TMEM132D: variants seen among roughly 807,000 people sequenced by gnomAD.
TMEM132D encodes transmembrane protein 132D.
TMEM132D carries 21 observed loss-of-function variants against 62.3 expected under a neutral mutation model. The observed-to-expected ratio is 0.34, with a 90% CI of 0.24 to 0.49. The LOEUF is 0.49. Among genes scored for constraint, TMEM132D ranks in the 20% least tolerant of loss-of-function variants. The probability of loss-of-function intolerance (pLI) is 0.99; values close to 1 mark genes in which losing one functional copy is unlikely to be tolerated. For synonymous variants in TMEM132D, 621 were observed against 575.6 expected, an observed-to-expected ratio of 1.08 and a Z score of -1.13; for missense variants, 1,346 against 1,402.8, an observed-to-expected ratio of 0.96 and a Z score of 0.65.
At chr12:129,339,410 G>C (rs577027560) in intron 3 of TMEM132D, among the ~76,000 whole-genome samples, 29 of 13,804 alleles carry the variant, frequency 2.1e-3, no homozygotes, top group East Asian at 0.042. Flanking sequence ...TCCATGGAAC[G>C]GGGTAGCTGC....
In TMEM132D at chr12:129,573,166, C is replaced by T. The variant is rs558972126; in HGVS notation, c.969-41961G>A. ...TGGAGACCCTGCGCCTACACAAAGA[C>T]ATCTCTCCCAGGGGCTCATCGGCCA... On this transcript the variant is annotated intron_variant, in intron 2 of 8. Transcript: ENST00000422113. Among the ~76,000 whole-genome samples, 81 of 152,242 alleles carry T rather than the reference C, an allele frequency of 5.3e-4. 1 individual carries two copies. Among genetic ancestry groups the T allele is most frequent in the African/African-American group, 1.8e-3 (74 of 41,558 alleles).
intron 3 of TMEM132D, among the ~76,000 whole-genome samples, chr12:129,493,555 G>C (rs1027402560): frequency 6.6e-6 from 1 of 152,188 alleles, no homozygotes; most frequent in Non-Finnish European, 1.5e-5. Context: ...AACAAATGCT[G>C]TAAATAAATA....
Position 129,729,953 on chromosome 12 carries a change from C to A in TMEM132D, c.80-29255G>T, listed in dbSNP as rs138667147. On this transcript the variant is annotated intron_variant, in intron 1 of 8. Transcript: ENST00000422113. ...CTGCCCTTGTGAATGTACTTTGTAA[C>A]GTCCATCCCCTGCCCGCAAAAAATT... 3.3e-3 allele frequency among the ~76,000 whole-genome samples: 499 copies of A among 152,122 alleles called. 3 individuals are homozygous for A. Among genetic ancestry groups the A allele is most frequent in the African/African-American group, 0.012 (483 of 41,448 alleles).
At chr12:129,777,584 C>G (rs916334553) in intron 1 of TMEM132D, among the ~76,000 whole-genome samples, 1 of 152,160 alleles carries the variant, frequency 6.6e-6, no homozygotes, top group African/African-American at 2.4e-5. Context: ...AAGAAGAACC[C>G]AGCTCTGGAA....
chr12:129,532,827 C>T (rs1204918334), intron 2 of TMEM132D, among the ~76,000 whole-genome samples: 1 of 152,232 alleles, frequency 6.6e-6, no homozygotes, highest in Non-Finnish European at 1.5e-5. Context: ...AGTGCTGTCC[C>T]AGCCATATGC....
At position 129,785,928 on chromosome 12, in the gene TMEM132D, T is replaced by C. The variant is rs560211298; in HGVS notation, c.80-85230A>G. On this transcript the variant is annotated intron_variant, in intron 1 of 8. Transcript: ENST00000422113. ...AATTTTATCACTCGAAATAGCAGTT[T>C]ATGATTGGCGCAGTTTTTTGTTTTC... Among the ~76,000 whole-genome samples the C allele has an allele frequency of 2.0e-5, 3 of 152,352 alleles. No individual in the cohort carries two copies. In the South Asian group the frequency reaches 6.2e-4, roughly 32 times the overall value.
intron 1 of TMEM132D, among the ~76,000 whole-genome samples, chr12:129,864,712 G>C (rs1281855439): frequency 6.6e-6 from 1 of 152,182 alleles, no homozygotes; most frequent in Non-Finnish European, 1.5e-5. Flanking sequence ...ATTCTTACTT[G>C]TTTGGGCCAA....
intron 2 of TMEM132D, among the ~76,000 whole-genome samples, chr12:129,546,094 C>T (rs552010467): frequency 6.6e-6 from 1 of 152,182 alleles, no homozygotes; most frequent in African/African-American, 2.4e-5. Context: ...GGCTGGGGTC[C>T]CCTGGGGTTT....
chr12:129,878,263 G>C lies in TMEM132D; in HGVS notation c.79+24998C>G, dbSNP rs75427277. 3.2e-3 allele frequency among the ~76,000 whole-genome samples: 480 copies of C among 152,162 alleles called. 2 individuals are homozygous for C. The highest frequency in any genetic ancestry group is 0.011 in the African/African-American group (462 of 41,506). ...AAATCTCTTTTAAGTATCTATTCTC[G>C]ACCTTCCTTTCCTGAAATCCTACTG... is the stretch of plus-strand genomic sequence containing the variant. On this transcript the variant is annotated intron_variant, in intron 1 of 8. Coordinates refer to ENST00000422113, the MANE Select transcript of TMEM132D (RefSeq NM_133448.3).
At chr12:129,633,262 G>T (rs1015562910) in intron 2 of TMEM132D, among the ~76,000 whole-genome samples, 6 of 152,276 alleles carry the variant, frequency 3.9e-5, no homozygotes, top group Non-Finnish European at 1.5e-5. Context: ...CTATGGACAT[G>T]TGGAAAATCA....
At chr12:129,322,191 G>T (rs185092683) in intron 4 of TMEM132D, among the ~76,000 whole-genome samples, 1 of 144,944 alleles carries the variant, frequency 6.9e-6, no homozygotes, top group South Asian at 2.2e-4. Context: ...TTCCTTCCTG[G>T]TTTTTGTCGG....
intron 3 of TMEM132D, among the ~76,000 whole-genome samples, chr12:129,440,488 T>G (rs1872908264): frequency 6.6e-6 from 1 of 152,068 alleles, no homozygotes; most frequent in Non-Finnish European, 1.5e-5. Flanking sequence ...TGGAGGCAAA[T>G]AAGATCTTAA....
intron 4 of TMEM132D, among the ~76,000 whole-genome samples, chr12:129,219,256 T>A (rs1210417114): frequency 6.6e-6 from 1 of 152,172 alleles, no homozygotes; most frequent in Non-Finnish European, 1.5e-5. Flanking sequence ...ATAAGTCTCA[T>A]GAGATCTGAT....
chr12:129,204,881 A>G (rs1268294984), intron 5 of TMEM132D, among the ~76,000 whole-genome samples: 1 of 152,218 alleles, frequency 6.6e-6, no homozygotes, highest in Non-Finnish European at 1.5e-5. Flanking sequence ...TTCAACATTC[A>G]TAAAGAAAAA....
chr12:129,726,338 T>G (rs1008431202), intron 1 of TMEM132D, among the ~76,000 whole-genome samples: 11 of 152,160 alleles, frequency 7.2e-5, no homozygotes, highest in African/African-American at 2.6e-4. Context: ...GAGGTAACAT[T>G]TGAAAAGGGA....
chr12:129,841,936 T>G (rs892670241), intron 1 of TMEM132D, among the ~76,000 whole-genome samples: 29 of 149,762 alleles, frequency 1.9e-4, no homozygotes, highest in Non-Finnish European at 4.0e-4. Context: ...TTTTCGTGTT[T>G]TTTTTTTTTT....
Position 129,277,761 on chromosome 12 carries a change from C to T in TMEM132D, c.1299+59873G>A, listed in dbSNP as rs1335243967. ...TTTCCAGGAAGCCTCATAGATTCTC[C>T]GGAAGCCTCTCCTATGTCCTCTGGT... On this transcript the variant is annotated intron_variant, in intron 4 of 8. Coordinates refer to ENST00000422113, the MANE Select transcript of TMEM132D (RefSeq NM_133448.3). The surrounding 1 kb of genome is among the most constrained non-coding windows in gnomAD (Gnocchi z 4.2). Among the ~76,000 whole-genome samples, 4 of 152,104 alleles carry T rather than the reference C, an allele frequency of 2.6e-5. No homozygotes were observed. The highest frequency in any genetic ancestry group is 3.9e-4 in the East Asian group (2 of 5,192).
intron 2 of TMEM132D, among the ~76,000 whole-genome samples, chr12:129,615,465 G>A (rs558261321): frequency 7.3e-5 from 11 of 151,156 alleles, no homozygotes; most frequent in South Asian, 2.1e-4. Flanking sequence ...AAGTACGGCC[G>A]TGAGACCAGG....
At chr12:129,626,601 G>A (rs1879223512) in intron 2 of TMEM132D, among the ~76,000 whole-genome samples, 1 of 151,978 alleles carries the variant, frequency 6.6e-6, no homozygotes, top group African/African-American at 2.4e-5. Context: ...GCGATTACAG[G>A]CACCTGCCAC....
Sources: allele counts gnomAD v4.1 joint callset (sites outside exome capture counted in the v4.1 genomes callset), GRCh38; gene constraint gnomAD v4.1.1; non-coding constraint Gnocchi (gnomAD v3.1); transcripts MANE v1.5; gene names NCBI Gene and HGNC (gene_info 2026-07-23, HGNC 2026-07-21).